The following GALC variants were observed in gnomAD, a reference collection of about 807,000 sequenced individuals.
GALC encodes galactocerebrosidase.
Under a neutral mutation model 91.8 loss-of-function variants are expected in GALC, and 77 were observed. That is an observed-to-expected ratio of 0.84 (90% confidence interval 0.70 to 1.01). The LOEUF (loss-of-function observed/expected upper bound fraction) is 1.01, where lower values mean the gene tolerates loss of function less well. GALC is among the 50% of genes least tolerant of loss of function. GALC has a pLI of 0.00. For synonymous variants in GALC, 357 were observed against 306.7 expected (o/e 1.16, Z -1.71); for missense variants, 882 against 855.9 (o/e 1.03, Z -0.38).
chr14:87,957,688 T>C (rs1885613572), intron 10 of GALC, among the ~76,000 whole-genome samples: 2 of 152,164 alleles, frequency 1.3e-5, no homozygotes, highest in African/African-American at 4.8e-5. Context: ...AAATAATGTA[T>C]ATAAATCAGC....
chr14:87,992,954 G>A lies in GALC; in HGVS notation c.195+16C>T, dbSNP rs1422989668. On this transcript the variant is annotated intron_variant, in intron 1 of 16. Coordinates refer to ENST00000261304, the MANE Select transcript of GALC (RefSeq NM_000153.4). ...CTCTTGCCGCCCCCCGCGTATCCCC[G>A]CAGCTTGCCGCTCACCCCGCCGCCG... is the stretch of plus-strand genomic sequence containing the variant. The A allele has an allele frequency of 2.6e-6, 4 of 1,509,812 alleles. No homozygotes were observed. The highest frequency in any genetic ancestry group is 2.5e-5 in the South Asian group (2 of 81,382). 93.5% of individuals were successfully genotyped at this position (1,509,812 alleles called of 1,614,324 possible).
rs542099029 is a variant in GALC at position 87,952,904 on chromosome 14, G to T, written c.1162-2156C>A. ...TGCATTTAACTGAAAAGTATCAAAA[G>T]CTTCTCAGTGAAAATAAAATTATAG... On this transcript the variant is annotated intron_variant, in intron 10 of 16. Coordinates refer to ENST00000261304, the MANE Select transcript of GALC (RefSeq NM_000153.4). The T allele has an allele frequency of 5.8e-5, 54 of 935,144 alleles. No individual in the cohort carries two copies. In the Middle Eastern group the frequency reaches 1.6e-3, roughly 29 times the overall value. The allele number at this position is 935,144 out of a possible 1,614,324, so 57.9% of individuals were successfully genotyped here.
intron 16 of GALC, among the ~76,000 whole-genome samples, chr14:87,938,336 G>C (rs1884680044): frequency 6.6e-6 from 1 of 152,010 alleles, no homozygotes. Flanking sequence ...GAGTTAGAGA[G>C]TGAGATGGGG....
Position 87,982,205 on chromosome 14 carries a change from C to T in GALC, c.621G>A (p.Lys207=), listed in dbSNP as rs1428763453. 6.5e-7 allele frequency: 1 copy of T among 1,544,928 alleles called. No individual in the cohort carries two copies. ...NERSYNANYI[K]ILRKMLNYQG... is the part of the protein sequence containing the mutation. ...AAAAAGATACTAAAGTTGTACACAC[C>T]TTAATATAATTGGCATTATATGACC... The change falls in exon 6 of 17, where the codon AAG becomes AAA. Residue 207 remains lysine (K), a splice_region_variant and synonymous_variant. Coordinates refer to ENST00000261304, the MANE Select transcript of GALC (RefSeq NM_000153.4).
At chr14:87,946,196 A>C (rs937094898) in intron 13 of GALC, among the ~76,000 whole-genome samples, 2 of 152,070 alleles carry the variant, frequency 1.3e-5, no homozygotes, top group African/African-American at 2.4e-5. Context: ...CTGTCAAGCA[A>C]GGTTCCAAAT....
At chr14:87,935,630 T>C (rs1336260762) in intron 16 of GALC, among the ~76,000 whole-genome samples, 1 of 152,046 alleles carries the variant, frequency 6.6e-6, no homozygotes, top group Non-Finnish European at 1.5e-5. Flanking sequence ...TCTCAGCTCT[T>C]ATTATCTTTA....
At chr14:87,972,273 G>A (rs1232999650) in intron 7 of GALC, among the ~76,000 whole-genome samples, 1 of 152,114 alleles carries the variant, frequency 6.6e-6, no homozygotes, top group Non-Finnish European at 1.5e-5. Flanking sequence ...AATATTGGCT[G>A]AAATAACAGC....
chr14:87,934,781 G>A lies in GALC; in HGVS notation c.2009C>T (p.Ser670Phe), dbSNP rs1177955514. ...GTTGTCAAACTGTGCAAATTCAAAGGAGTGAGTTCCAATTGCAGCCCAGCC... is the reference window on the plus strand; with the variant it reads ...GTTGTCAAACTGTGCAAATTCAAAGAAGTGAGTTCCAATTGCAGCCCAGCC... The part of the protein sequence containing the change: ...KNGWAAIGTH[S>F]FEFAQFDNFL... Residue 670 changes from serine (S) to phenylalanine (F), a missense_variant, in exon 17 of 17, where the codon TCC (serine) becomes TTC (phenylalanine). By Grantham distance (155) the Ser-to-Phe change is radical. Coordinates refer to ENST00000261304, the MANE Select transcript of GALC (RefSeq NM_000153.4). 6.2e-7 allele frequency: 1 copy of A among 1,612,958 alleles called. No homozygotes were observed. Among genetic ancestry groups the A allele is most frequent in the African/African-American group, 1.3e-5 (1 of 74,868 alleles).
At chr14:87,989,852 A>T (rs999113454) in intron 1 of GALC, among the ~76,000 whole-genome samples, 9 of 152,216 alleles carry the variant, frequency 5.9e-5, no homozygotes, top group African/African-American at 2.2e-4. Flanking sequence ...GATAAAGTTC[A>T]AATCGCTCAA....
At chr14:87,977,090 T>A (rs1056710522) in intron 6 of GALC, among the ~76,000 whole-genome samples, 4 of 150,750 alleles carry the variant, frequency 2.7e-5, no homozygotes, top group Non-Finnish European at 5.9e-5. Context: ...ATAACCACCA[T>A]TATTTTGCTA....
chr14:87,992,955 C>T lies in GALC; in HGVS notation c.195+15G>A, dbSNP rs748140458. On this transcript the variant is annotated intron_variant, in intron 1 of 16. Coordinates refer to ENST00000261304, the MANE Select transcript of GALC (RefSeq NM_000153.4). ...TCTTGCCGCCCCCCGCGTATCCCCG[C>T]AGCTTGCCGCTCACCCCGCCGCCGC... 119 of 1,511,050 alleles carry T rather than the reference C, an allele frequency of 7.9e-5. No homozygotes were observed. Among genetic ancestry groups the T allele is most frequent in the Non-Finnish European group, 9.5e-5 (108 of 1,138,316 alleles). 93.6% of individuals were successfully genotyped at this position (1,511,050 alleles called of 1,614,324 possible).
rs200378205 is a variant in GALC at position 87,945,631 on chromosome 14, C to T, written c.1592G>A (p.Arg531His). Residue 531 changes from arginine (R) to histidine (H), a missense_variant, in exon 14 of 17, where the codon CGC becomes CAC. Transcript: ENST00000261304. Reference sequence around the variant, plus strand: ...AATGGGTCTCTGGTTGAGAACTTGGCGTAGCGTGAAGTGATGCTCGCCAGG... The same window carrying T: ...AATGGGTCTCTGGTTGAGAACTTGGTGTAGCGTGAAGTGATGCTCGCCAGG... Reference protein sequence around the residue: ...EDPGEHHFTLRQVLNQRPITW... With the variant: ...EDPGEHHFTLHQVLNQRPITW... 4.0e-5 allele frequency: 64 copies of T among 1,610,354 alleles called. No homozygotes were observed. Among genetic ancestry groups the T allele is most frequent in the East Asian group, 3.3e-4 (15 of 44,810 alleles).
rs927047432 is a variant in GALC, at chr14:87,937,465, T to C, written c.1911+2440A>G. ...AGCTGAGATTCAAGAGGAAACAGAA[T>C]GCCCATAGTTGATGAAACACAAAAT... is the stretch of plus-strand genomic sequence containing the variant. On this transcript the variant is annotated intron_variant, in intron 16 of 16. Transcript: ENST00000261304. 2.0e-5 allele frequency among the ~76,000 whole-genome samples: 3 copies of C among 152,012 alleles called. No homozygotes were observed. The East Asian group carries it at 5.9e-4, about 30-fold the overall frequency.
intron 7 of GALC, among the ~76,000 whole-genome samples, chr14:87,971,675 T>A (rs1190266421): frequency 6.6e-6 from 1 of 152,174 alleles, no homozygotes; most frequent in South Asian, 2.1e-4. Flanking sequence ...GTAAATAATA[T>A]TTTTATATTC....
chr14:87,934,863 C>T lies in GALC; in HGVS notation c.1927G>A (p.Gly643Ser). 6.2e-7 allele frequency: 1 copy of T among 1,610,972 alleles called. No homozygotes were observed. The highest frequency in any genetic ancestry group is 2.2e-5 in the East Asian group (1 of 44,806). ...CACAGAGACTTGTCATTCAGCATGC[C>T]AGAGGTGAAATGACCCTAGAGTAGA... ...TLTIKGHFTS[G>S]MLNDKSLWTD... Residue 643 changes from glycine to serine, a missense_variant, in exon 17 of 17, where the codon GGC (glycine) becomes AGC (serine). Transcript: ENST00000261304.
At chr14:87,973,805 G>A (rs1886389983) in intron 7 of GALC, among the ~76,000 whole-genome samples, 1 of 152,082 alleles carries the variant, frequency 6.6e-6, no homozygotes, top group African/African-American at 2.4e-5. Context: ...AAACATTCGT[G>A]GCCTCCATCC....
At chr14:87,970,825 C>T (rs185190009) in intron 7 of GALC, among the ~76,000 whole-genome samples, 162 of 145,258 alleles carry the variant, frequency 1.1e-3, no homozygotes, top group African/African-American at 3.9e-3. Context: ...GCCGAGATTG[C>T]GCCACTGCAC....
chr14:87,952,400 C>G, intron 10 of GALC: 1 of 400,776 alleles, frequency 2.5e-6, no homozygotes, highest in Non-Finnish European at 4.7e-6. Context: ...AGGTTTAAGA[C>G]TAATGTTGTT....
intron 6 of GALC, among the ~76,000 whole-genome samples, chr14:87,979,998 C>T (rs1886668623): frequency 6.6e-6 from 1 of 152,112 alleles, no homozygotes; most frequent in Non-Finnish European, 1.5e-5. Context: ...CATACTTCAA[C>T]CTGGAATTGC....
Sources: allele counts gnomAD v4.1 joint callset (sites outside exome capture counted in the v4.1 genomes callset), GRCh38; gene constraint gnomAD v4.1.1; transcripts MANE v1.5; gene names NCBI Gene and HGNC (gene_info 2026-07-23, HGNC 2026-07-21).